The following COMMD1 variants were observed in gnomAD, a reference collection of about 807,000 sequenced individuals.
COMMD1 encodes COMM domain-containing protein 1.
Under a neutral mutation model 17.2 loss-of-function variants are expected in COMMD1, and 10 were observed. That is an observed-to-expected ratio of 0.58 (90% CI 0.36 to 0.99). The LOEUF is 0.99. COMMD1 is among the 50% of genes least tolerant of loss of function. The pLI is 0.01. For missense variants in COMMD1, 270 were observed against 231.8 expected (o/e 1.17, Z -1.07); for synonymous variants, 97 against 91.6 (o/e 1.06, Z -0.34).
chr2:61,920,079 T>A (rs543608963), intron 1 of COMMD1, among the ~76,000 whole-genome samples: 1 of 152,296 alleles, frequency 6.6e-6, no homozygotes, highest in East Asian at 1.9e-4. Flanking sequence ...TGCAGGAGGA[T>A]CACTTGAAAA....
chr2:62,091,265 T>C (rs935663876), intron 2 of COMMD1, among the ~76,000 whole-genome samples: 2 of 152,266 alleles, frequency 1.3e-5, no homozygotes, highest in Non-Finnish European at 2.9e-5. Flanking sequence ...CTTCCTGGAA[T>C]AGCATTCCTT....
At chr2:61,966,962 A>T (rs1437204298) in intron 1 of COMMD1, among the ~76,000 whole-genome samples, 1 of 152,050 alleles carries the variant, frequency 6.6e-6, no homozygotes, top group Non-Finnish European at 1.5e-5. Flanking sequence ...TCTTCCATGA[A>T]GAGCAGTAAC....
chr2:61,973,298 A>G (rs1671701366), intron 1 of COMMD1, among the ~76,000 whole-genome samples: 1 of 152,224 alleles, frequency 6.6e-6, no homozygotes, highest in Non-Finnish European at 1.5e-5. Context: ...TTGGTCTAAA[A>G]TACATAAATC....
intron 2 of COMMD1, among the ~76,000 whole-genome samples, chr2:62,023,770 C>G (rs1326002278): frequency 6.6e-6 from 1 of 152,138 alleles, no homozygotes; most frequent in Admixed American, 6.6e-5. Context: ...CAGGCATGAG[C>G]CACGGCGCTT....
intron 2 of COMMD1, among the ~76,000 whole-genome samples, chr2:62,111,474 C>T (rs979090910): frequency 2.0e-5 from 3 of 152,170 alleles, no homozygotes; most frequent in Non-Finnish European, 1.5e-5. Flanking sequence ...GGAAGCCCAG[C>T]AAGGCCTTTC....
chr2:61,997,203 A>T (rs1487491101), intron 1 of COMMD1, among the ~76,000 whole-genome samples: 1 of 151,788 alleles, frequency 6.6e-6, no homozygotes. Context: ...GGGACCACAG[A>T]TGCGTACTAC....
chr2:61,906,335 T>C (rs1245987996), intron 1 of COMMD1, among the ~76,000 whole-genome samples: 1 of 152,170 alleles, frequency 6.6e-6, no homozygotes, highest in Non-Finnish European at 1.5e-5. Context: ...CAGCTTGAAG[T>C]CAAAGTATAG....
chr2:62,094,172 G>T lies in COMMD1; in HGVS notation c.463-41659G>T, dbSNP rs189880085. On this transcript the variant is annotated intron_variant, in intron 2 of 2. Transcript: ENST00000311832. The stretch of plus-strand genomic sequence containing the variant: ...TCTTCCTCTTGTTGTTCACCTGGAA[G>T]GGGGAGCCGGGTAGCAGGGTCAAGA... Among the ~76,000 whole-genome samples the T allele has an allele frequency of 3.1e-3, 466 of 152,304 alleles. 7 individuals are homozygous for T. Among genetic ancestry groups the T allele is most frequent in the Non-Finnish European group, 2.1e-3 (144 of 68,030 alleles).
chr2:62,083,672 A>C (rs1671587311), intron 2 of COMMD1, among the ~76,000 whole-genome samples: 1 of 152,216 alleles, frequency 6.6e-6, no homozygotes, highest in Non-Finnish European at 1.5e-5. Context: ...TAGAGATCTC[A>C]TTAGATTCAC....
At position 61,974,161 on chromosome 2, in the gene COMMD1, G is replaced by T. The variant is rs116529851; in HGVS notation, c.181-26540G>T. ...ATGCAAAAATTAACCTGGTGTGGTG[G>T]CATGCCTTTGTAATCCCAGCTACTC... On this transcript the variant is annotated intron_variant, in intron 1 of 2. Coordinates refer to ENST00000311832, the MANE Select transcript of COMMD1 (RefSeq NM_152516.4). 9.2e-3 allele frequency among the ~76,000 whole-genome samples: 1,405 copies of T among 152,264 alleles called. 18 individuals are homozygous for T. The highest frequency in any genetic ancestry group is 0.032 in the African/African-American group (1,324 of 41,552).
At position 62,014,542 on chromosome 2, in the gene COMMD1, C is replaced by CTTTTTTTTTTTTTTTTTTTT. The variant is rs67886279; in HGVS notation, c.462+13578_462+13597dup. The stretch of plus-strand genomic sequence containing the variant: ...CATAACAAAATTTTACCATTTTAAC[C>CTTTTTTTTTTTTTTTTTTTT]TTTTTTTTTTTTTTTTTTTTTTTTT... On this transcript the variant is annotated intron_variant, in intron 2 of 2. Coordinates refer to ENST00000311832, the MANE Select transcript of COMMD1 (RefSeq NM_152516.4). Among the ~76,000 whole-genome samples the CTTTTTTTTTTTTTTTTTTTT allele has an allele frequency of 7.9e-5, 5 of 63,534 alleles. 1 individual carries two copies. Among genetic ancestry groups the CTTTTTTTTTTTTTTTTTTTT allele is most frequent in the African/African-American group, 2.9e-4 (4 of 13,994 alleles). The allele number at this position is 63,534 out of a possible 152,430, so 41.7% of individuals were successfully genotyped here. A position where few individuals can be genotyped will look rare whatever the true frequency, so the allele number is the denominator to read the frequency against.
intron 1 of COMMD1, among the ~76,000 whole-genome samples, chr2:61,910,193 A>G (rs1327208757): frequency 6.6e-6 from 1 of 152,184 alleles, no homozygotes; most frequent in Non-Finnish European, 1.5e-5. Context: ...ATAACATCCT[A>G]TAGATAAATA....
intron 2 of COMMD1, among the ~76,000 whole-genome samples, chr2:62,092,642 G>A (rs1020007371): frequency 2.4e-4 from 36 of 152,124 alleles, no homozygotes; most frequent in African/African-American, 7.2e-4. Context: ...GCTGTAATCC[G>A]TGGTCTTTGG....
rs1573015376 is a variant in COMMD1, at chr2:61,970,824, A to G, written c.181-29877A>G. On this transcript the variant is annotated intron_variant, in intron 1 of 2. Coordinates refer to ENST00000311832, the MANE Select transcript of COMMD1 (RefSeq NM_152516.4). Reference sequence around the variant, plus strand: ...TTATTTCCTTGACAATATTTTATCTAGTTTGTTAAAAAAGAGTTGCAAGTT... The same window carrying G: ...TTATTTCCTTGACAATATTTTATCTGGTTTGTTAAAAAAGAGTTGCAAGTT... Among the ~76,000 whole-genome samples, 3 of 152,180 alleles carry G rather than the reference A, an allele frequency of 2.0e-5. No individual in the cohort carries two copies. The South Asian group carries it at 6.2e-4, about 31-fold the overall frequency.
chr2:62,127,237 A>G (rs1672909224), intron 2 of COMMD1, among the ~76,000 whole-genome samples: 1 of 152,212 alleles, frequency 6.6e-6, no homozygotes, highest in African/African-American at 2.4e-5. Flanking sequence ...GGACACAAAC[A>G]AATGGAAAAA....
At chr2:62,016,624 A>T (rs142383420) in intron 2 of COMMD1, among the ~76,000 whole-genome samples, 3 of 151,634 alleles carry the variant, frequency 2.0e-5, no homozygotes, top group Non-Finnish European at 2.9e-5. Context: ...TATCAATCAC[A>T]TATTAGATAT....
intron 2 of COMMD1, among the ~76,000 whole-genome samples, chr2:62,108,900 C>CG (rs1558603100): frequency 2.6e-5 from 4 of 152,162 alleles, no homozygotes; most frequent in African/African-American, 9.7e-5. Context: ...TCTGGCAACA[C>CG]TGGGCCCACT....
At chr2:62,008,387 C>CAT (rs1363540562) in intron 2 of COMMD1, among the ~76,000 whole-genome samples, 3,548 of 143,590 alleles carry the variant, frequency 0.025, 761 homozygotes, top group African/African-American at 0.036. Flanking sequence ...CACACACACA[C>CAT]ACATATATAT....
intron 1 of COMMD1, among the ~76,000 whole-genome samples, chr2:61,949,977 CAA>C (rs1248334579): frequency 6.6e-6 from 1 of 152,058 alleles, no homozygotes; most frequent in African/African-American, 2.4e-5. Flanking sequence ...TCTCAGGACA[CAA>C]AATGAAACAA....
Sources: allele counts gnomAD v4.1 joint callset (sites outside exome capture counted in the v4.1 genomes callset), GRCh38; gene constraint gnomAD v4.1.1; transcripts MANE v1.5; gene names NCBI Gene and HGNC (gene_info 2026-07-23, HGNC 2026-07-21).